The following RAPGEF6 variants were observed in gnomAD, a reference collection of about 807,000 sequenced individuals.
RAPGEF6 encodes the protein Rap guanine nucleotide exchange factor 6, also known as PDZ domain containing guanine nucleotide exchange factor (GEF) 2.
In RAPGEF6, 56 loss-of-function variants were observed where a neutral mutation model predicts 171.4. The ratio of observed to expected loss-of-function variants is 0.33; its 90% CI spans 0.26 to 0.41. RAPGEF6 has a LOEUF of 0.41. RAPGEF6 is among the 10% of genes least tolerant of loss of function. RAPGEF6 has a pLI of 1.00. For synonymous variants in RAPGEF6, 692 were observed against 650.1 expected, an observed-to-expected ratio of 1.06 and a Z score of -0.98; for missense variants, 1,674 against 1,921.4, an observed-to-expected ratio of 0.87 and a Z score of 2.41.
At chr5:131,587,696 CCCCTCTTTCT>C (rs1269665171) in intron 4 of RAPGEF6, among the ~76,000 whole-genome samples, 1 of 152,162 alleles carries the variant, frequency 6.6e-6, no homozygotes, top group Non-Finnish European at 1.5e-5. Flanking sequence ...CCTTCTCTTG[CCCCTCTTTCT>C]CCCTCAAAGT....
rs1755344280 is a variant in RAPGEF6, at chr5:131,479,753, A to G, written c.1841T>C (p.Val614Ala). 1 of 1,607,796 alleles carries G rather than the reference A, an allele frequency of 6.2e-7. No individual in the cohort carries two copies. Among genetic ancestry groups the G allele is most frequent in the African/African-American group, 1.3e-5 (1 of 74,482 alleles). The change falls in exon 16 of 28, where the codon GTG (valine) becomes GCG (alanine). Residue 614 changes from valine to alanine, a missense_variant and splice_region_variant. By Grantham distance (64) the Val-to-Ala change is moderately conservative. Coordinates refer to ENST00000509018, the MANE Select transcript of RAPGEF6 (RefSeq NM_016340.6). ...LALTVKTNIF[V>A]FKELLFRTEQ... ...AGTCCTAAAAAGTAACTCTTTGAAC[A>G]CTGTGGAAATAAAACAAATGCGTCA...
Position 131,567,847 on chromosome 5 carries a change from A to C in RAPGEF6, c.282-5800T>G, listed in dbSNP as rs145487537. On this transcript the variant is annotated intron_variant, in intron 4 of 27. Coordinates refer to ENST00000509018, the MANE Select transcript of RAPGEF6 (RefSeq NM_016340.6). ...TCCTACTAATCCTTTCAATTCTGTC[A>C]GTTTTTACTTCATATATTTTGAAGC... is the stretch of plus-strand genomic sequence containing the variant. Among the ~76,000 whole-genome samples the C allele has an allele frequency of 1.1e-3, 172 of 152,326 alleles. 1 individual carries two copies. The highest frequency in any genetic ancestry group is 2.2e-3 in the Admixed American group (33 of 15,290).
At chr5:131,518,036 C>T (rs889553323) in intron 7 of RAPGEF6, among the ~76,000 whole-genome samples, 2 of 151,670 alleles carry the variant, frequency 1.3e-5, no homozygotes, top group Non-Finnish European at 2.9e-5. Context: ...GTTTAAGAAA[C>T]ATAATAAAAA....
chr5:131,456,078 T>C (rs750136920), intron 19 of RAPGEF6, 66 bp from the exon 20 acceptor site: 57 of 1,116,786 alleles, frequency 5.1e-5, no homozygotes, highest in Non-Finnish European at 7.1e-5. Flanking sequence ...CAGGTCAGCA[T>C]ATACACCATT....
chr5:131,492,766 C>T lies in RAPGEF6; in HGVS notation c.1547G>A (p.Arg516Gln), dbSNP rs771044257. The change falls in exon 14 of 28, where the codon CGG (arginine) becomes CAG (glutamine). Residue 516 changes from arginine to glutamine, a missense_variant. Arg to Gln is a conservative substitution (Grantham distance 43). Transcript: ENST00000509018. ...LEDTKMNGHL[R>Q]LLNIACAAKA... ...TGCAGCACAGGCAATATTCAATAAC[C>T]GGAGATGACCATTCATCTTCTGTTA... 1.7e-5 allele frequency: 27 copies of T among 1,612,816 alleles called. No individual in the cohort carries two copies. Among genetic ancestry groups the T allele is most frequent in the African/African-American group, 2.7e-5 (2 of 74,866 alleles).
At chr5:131,608,789 T>C (rs1398258664) in intron 1 of RAPGEF6, among the ~76,000 whole-genome samples, 1 of 151,900 alleles carries the variant, frequency 6.6e-6, no homozygotes, top group Non-Finnish European at 1.5e-5. Context: ...TTTCTCTCTC[T>C]TGCTTCCTCC....
At chr5:131,530,288 A>G (rs1163607024) in intron 6 of RAPGEF6, among the ~76,000 whole-genome samples, 1 of 152,140 alleles carries the variant, frequency 6.6e-6, no homozygotes, top group Non-Finnish European at 1.5e-5. Flanking sequence ...ACTGCTAAAG[A>G]AAAAAGACTT....
chr5:131,598,823 C>T lies in RAPGEF6; in HGVS notation c.197+4448G>A, dbSNP rs1360104876. 4.6e-5 allele frequency among the ~76,000 whole-genome samples: 7 copies of T among 152,314 alleles called. No individual in the cohort carries two copies. In the South Asian group the frequency reaches 1.2e-3, roughly 27 times the overall value. ...TCTGAATTGATTTATGGATTTAATG[C>T]TATCCTAATCCAAAGCCCACAGCCT... On this transcript the variant is annotated intron_variant, in intron 3 of 27. Coordinates refer to ENST00000509018, the MANE Select transcript of RAPGEF6 (RefSeq NM_016340.6).
intron 8 of RAPGEF6, among the ~76,000 whole-genome samples, chr5:131,509,622 G>T (rs1000530939): frequency 1.1e-4 from 17 of 152,062 alleles, no homozygotes; most frequent in African/African-American, 4.1e-4. Flanking sequence ...TAAAAAATCT[G>T]CAAGTTTTTC....
At chr5:131,623,477 C>CATTTTTTTTTTTTTTTTTTTT (rs1554088737) in intron 1 of RAPGEF6, among the ~76,000 whole-genome samples, 1 of 114,184 alleles carries the variant, frequency 8.8e-6, no homozygotes, top group African/African-American at 3.4e-5. Context: ...TTTCACATTG[C>CATTTTTTTTTTTTTTTTTTTT]TTTTTTTTTT....
At position 131,625,030 on chromosome 5, in the gene RAPGEF6, G is replaced by A. The variant is rs574049654; in HGVS notation, c.69+9932C>T. Among the ~76,000 whole-genome samples the A allele has an allele frequency of 4.6e-5, 7 of 152,268 alleles. No homozygotes were observed. The East Asian group carries it at 1.2e-3, about 25-fold the overall frequency. ...TGTAATCCCAGCACTTTGGGAGGCCGAGGCGGGCAGATCATGAGGTCAGCA... is the reference window on the plus strand; with the variant it reads ...TGTAATCCCAGCACTTTGGGAGGCCAAGGCGGGCAGATCATGAGGTCAGCA... On this transcript the variant is annotated intron_variant, in intron 1 of 27. Transcript: ENST00000509018.
Position 131,450,105 on chromosome 5 carries a change from AGAC to A in RAPGEF6, c.3200+2946_3200+2948del. 2.7e-6 allele frequency: 4 copies of A among 1,476,326 alleles called. No homozygotes were observed. In the African/African-American group the frequency reaches 5.6e-5, roughly 21 times the overall value. 91.5% of individuals were successfully genotyped at this position (1,476,326 alleles called of 1,614,324 possible). A position where few individuals can be genotyped will look rare whatever the true frequency, so the allele number is the denominator to read the frequency against. On this transcript the variant is annotated intron_variant, in intron 21 of 27. Coordinates refer to ENST00000509018, the MANE Select transcript of RAPGEF6 (RefSeq NM_016340.6). ...GTTTGAATAGGAAAGCACAGAAAAA[AGAC>A]AACAGTTGAGAGTCAGAGAAACTAT...
intron 27 of RAPGEF6, 67 bp from the exon 28 acceptor site, chr5:131,427,358 A>G: frequency 7.5e-7 from 1 of 1,337,054 alleles, no homozygotes; most frequent in Non-Finnish European, 1.0e-6. Flanking sequence ...TAATCTAGTT[A>G]TCTATTTAGA....
chr5:131,429,006 A>G lies in RAPGEF6; in HGVS notation c.4676T>C (p.Val1559Ala), dbSNP rs1064539. 1 of 1,614,206 alleles carries G rather than the reference A, an allele frequency of 6.2e-7. No individual in the cohort carries two copies. ...TACAATCTTCGATGGAACACAGGCCACGAGGTTGCTACTGAGAGAAGCTGG... is the reference window on the plus strand; with the variant it reads ...TACAATCTTCGATGGAACACAGGCCGCGAGGTTGCTACTGAGAGAAGCTGG... ...LPPASLSSNL[V>A]ACVPSKIVTQ... Residue 1559 changes from valine (V) to alanine (A), a missense_variant, in exon 27 of 28, where the codon GTG (valine) becomes GCG (alanine). Val to Ala is a moderately conservative substitution (Grantham distance 64). Coordinates refer to ENST00000509018, the MANE Select transcript of RAPGEF6 (RefSeq NM_016340.6).
intron 4 of RAPGEF6, among the ~76,000 whole-genome samples, chr5:131,587,992 C>CT (rs201414978): frequency 0.014 from 1,976 of 142,630 alleles, 49 homozygotes; most frequent in East Asian, 0.052. Flanking sequence ...AGCAATGTAG[C>CT]TTTTTTTTTT....
At chr5:131,465,936 C>A (rs1044215070) in intron 17 of RAPGEF6, among the ~76,000 whole-genome samples, 3 of 151,654 alleles carry the variant, frequency 2.0e-5, no homozygotes, top group Non-Finnish European at 2.9e-5. Context: ...ACACTGTTAG[C>A]CTTTAGAGGA....
chr5:131,586,788 T>C (rs1763281421), intron 4 of RAPGEF6, among the ~76,000 whole-genome samples: 1 of 152,218 alleles, frequency 6.6e-6, no homozygotes, highest in Non-Finnish European at 1.5e-5. Flanking sequence ...TGTGGAACAA[T>C]GGGAACTCTC....
chr5:131,450,004 C>T (rs774137858), intron 21 of RAPGEF6: 163 of 1,535,600 alleles, frequency 1.1e-4, no homozygotes, highest in Non-Finnish European at 1.4e-4. Flanking sequence ...ATTCCAGTTG[C>T]GTTCATCTCT....
At chr5:131,625,062 G>T (rs1231715928) in intron 1 of RAPGEF6, among the ~76,000 whole-genome samples, 1 of 152,128 alleles carries the variant, frequency 6.6e-6, no homozygotes, top group African/African-American at 2.4e-5. Flanking sequence ...AGCAGTTCGA[G>T]ACCAGCCTGG....
Sources: allele counts gnomAD v4.1 joint callset (sites outside exome capture counted in the v4.1 genomes callset), GRCh38; gene constraint gnomAD v4.1.1; transcripts MANE v1.5; gene names NCBI Gene and HGNC (gene_info 2026-07-23, HGNC 2026-07-21).